SLC17A5: variants seen among roughly 807,000 people sequenced by gnomAD.
The protein encoded by SLC17A5 is sialin.
Under a neutral mutation model 59.4 loss-of-function variants are expected in SLC17A5, and 47 were observed. The observed-to-expected ratio is 0.79, with a 90% CI of 0.63 to 1.01. The LOEUF (loss-of-function observed/expected upper bound fraction) is 1.01, where lower values mean the gene tolerates loss of function less well. Ranked by LOEUF, SLC17A5 falls within the 50% of genes least tolerant of loss-of-function variation. The pLI is 0.00. For synonymous variants in SLC17A5, 202 were observed against 210.7 expected, an observed-to-expected ratio of 0.96 and a Z score of 0.36; for missense variants, 522 against 595.5, an observed-to-expected ratio of 0.88 and a Z score of 1.28.
intron 9 of SLC17A5, among the ~76,000 whole-genome samples, chr6:73,610,083 A>G (rs1232817634): frequency 6.6e-6 from 1 of 151,696 alleles, no homozygotes; most frequent in Non-Finnish European, 1.5e-5. Context: ...GCCCAGGCTG[A>G]AGTGCAATGA....
chr6:73,627,955 C>T (rs1260162312), intron 6 of SLC17A5, among the ~76,000 whole-genome samples: 1 of 150,238 alleles, frequency 6.7e-6, no homozygotes, highest in Non-Finnish European at 1.5e-5. Context: ...GGGTTTCGCT[C>T]TGTCGCACAG....
At position 73,640,197 on chromosome 6, in the gene SLC17A5, C is replaced by G. The variant is rs114522882; in HGVS notation, c.525+1494G>C. Among the ~76,000 whole-genome samples, 819 of 152,224 alleles carry G rather than the reference C, an allele frequency of 5.4e-3. 10 individuals carry two copies. The highest frequency in any genetic ancestry group is 0.019 in the African/African-American group (771 of 41,522). On this transcript the variant is annotated intron_variant, in intron 3 of 10. Transcript: ENST00000355773. ...CAGCAAGGAGATTGAATACTAGGAT[C>G]AGAGAAAATATGCTAGATTTAAGTA...
rs1054309453 is a variant in SLC17A5 at position 73,610,492 on chromosome 6, A to G, written c.1167T>C (p.Tyr389=). ...TAGTTAGGAAAGCAACGGCCAAAGA[A>G]TAATCACAGCCAATGAAGCCAGCAG... is the stretch of plus-strand genomic sequence containing the variant. ...LVAAGFIGCD[Y]SLAVAFLTIS... is the part of the protein sequence containing the mutation. Residue 389 remains tyrosine, a synonymous_variant, in exon 9 of 11, where the codon TAT becomes TAC. Transcript: ENST00000355773. 1.2e-6 allele frequency: 2 copies of G among 1,614,102 alleles called. No homozygotes were observed. Among genetic ancestry groups the G allele is most frequent in the South Asian group, 1.1e-5 (1 of 91,092 alleles).
chr6:73,643,223 G>A (rs967678698), intron 2 of SLC17A5, among the ~76,000 whole-genome samples: 4 of 151,416 alleles, frequency 2.6e-5, no homozygotes, highest in Non-Finnish European at 5.9e-5. Context: ...GCAGTGGCGC[G>A]ATCTCGGCTC....
At chr6:73,653,636 G>T in intron 1 of SLC17A5, 157 bp downstream of exon 1, 1 of 527,788 alleles carries the variant, frequency 1.9e-6, no homozygotes, top group Non-Finnish European at 2.4e-6. Flanking sequence ...GGGACTGAGC[G>T]GCACTCTGAA....
chr6:73,648,061 C>G (rs1281472669), intron 1 of SLC17A5, among the ~76,000 whole-genome samples: 1 of 151,450 alleles, frequency 6.6e-6, no homozygotes, highest in African/African-American at 2.4e-5. Flanking sequence ...AAGAGCGAGA[C>G]TTCGTCTCAA....
chr6:73,633,520 C>T lies in SLC17A5; in HGVS notation c.819+1862G>A, dbSNP rs368499262. The stretch of plus-strand genomic sequence containing the variant: ...GTGCTGGGATTACAGGCGTAAATCA[C>T]CATGCCCAGCCAAGACTAAGTTTTT... On this transcript the variant is annotated intron_variant, in intron 6 of 10. Coordinates refer to ENST00000355773, the MANE Select transcript of SLC17A5 (RefSeq NM_012434.5). 4.0e-5 allele frequency among the ~76,000 whole-genome samples: 6 copies of T among 151,818 alleles called. No individual in the cohort carries two copies. The East Asian group carries it at 5.8e-4, about 15-fold the overall frequency.
At chr6:73,625,081 AG>A (rs1768342305) in intron 6 of SLC17A5, among the ~76,000 whole-genome samples, 1 of 152,198 alleles carries the variant, frequency 6.6e-6, no homozygotes, top group African/African-American at 2.4e-5. Flanking sequence ...TTTTAAAAAG[AG>A]GAAGAACCAG....
chr6:73,616,826 C>T (rs887161855), intron 7 of SLC17A5, among the ~76,000 whole-genome samples: 8 of 152,080 alleles, frequency 5.3e-5, no homozygotes, highest in East Asian at 3.9e-4. Context: ...AGGCTAATCT[C>T]GAACTCCTGA....
chr6:73,627,424 G>A (rs768101410), intron 6 of SLC17A5, among the ~76,000 whole-genome samples: 8 of 152,062 alleles, frequency 5.3e-5, no homozygotes, highest in Non-Finnish European at 8.8e-5. Flanking sequence ...TAACAGCCAC[G>A]TGGAGCTAGT....
At chr6:73,639,116 T>G (rs1429810545) in intron 3 of SLC17A5, among the ~76,000 whole-genome samples, 2 of 151,190 alleles carry the variant, frequency 1.3e-5, no homozygotes, top group Non-Finnish European at 2.9e-5. Flanking sequence ...CAGCCTTTCT[T>G]CTTTTTTTTC....
chr6:73,599,278 C>T (rs1766953586), intron 10 of SLC17A5, among the ~76,000 whole-genome samples: 1 of 152,054 alleles, frequency 6.6e-6, no homozygotes, highest in Non-Finnish European at 1.5e-5. Context: ...GAGGCATGAT[C>T]ATAGCTCACT....
intron 6 of SLC17A5, among the ~76,000 whole-genome samples, chr6:73,635,024 A>G (rs1047868786): frequency 2.7e-5 from 4 of 145,854 alleles, no homozygotes. Flanking sequence ...ATAAAACTAT[A>G]CTTTCTATAA....
At chr6:73,606,450 C>T (rs182194477) in intron 9 of SLC17A5, among the ~76,000 whole-genome samples, 5 of 152,340 alleles carry the variant, frequency 3.3e-5, no homozygotes, top group Admixed American at 2.6e-4. Flanking sequence ...ACTGCTACAA[C>T]TATTTGCTGG....
intron 6 of SLC17A5, among the ~76,000 whole-genome samples, chr6:73,633,850 A>G (rs2150110995): frequency 6.6e-6 from 1 of 152,060 alleles, no homozygotes; most frequent in Non-Finnish European, 1.5e-5. Flanking sequence ...ACTACACTCC[A>G]GCCTGGGTGA....
At chr6:73,646,047 G>A (rs1769544904) in intron 1 of SLC17A5, among the ~76,000 whole-genome samples, 1 of 152,122 alleles carries the variant, frequency 6.6e-6, no homozygotes, top group South Asian at 2.1e-4. Flanking sequence ...AGTAAACTCT[G>A]AGTGGCTGAT....
chr6:73,626,285 C>T (rs1768410442), intron 6 of SLC17A5, among the ~76,000 whole-genome samples: 2 of 152,170 alleles, frequency 1.3e-5, no homozygotes, highest in African/African-American at 2.4e-5. Flanking sequence ...CTTCACATGG[C>T]AGGTTCTCAA....
chr6:73,609,591 T>C (rs1201163517), intron 9 of SLC17A5, among the ~76,000 whole-genome samples: 5 of 152,200 alleles, frequency 3.3e-5, no homozygotes, highest in Non-Finnish European at 7.3e-5. Context: ...AAATGCCTAC[T>C]ACATGCCAAG....
intron 7 of SLC17A5, among the ~76,000 whole-genome samples, chr6:73,617,300 GAAAAAAAAC>G (rs1456044427): frequency 2.1e-5 from 3 of 145,910 alleles, no homozygotes; most frequent in African/African-American, 7.6e-5. Flanking sequence ...GTCTCAGAAA[GAAAAAAAAC>G]AAAAAAAAGA....
Sources: gnomAD v4.1 joint callset for allele counts (sites outside exome capture counted in the v4.1 genomes callset) on GRCh38, gnomAD v4.1.1 for gene constraint, MANE v1.5 for transcripts, NCBI Gene and HGNC (gene_info 2026-07-23, HGNC 2026-07-21) for gene names.